The following PAM variants were observed in gnomAD, a reference collection of about 807,000 sequenced individuals.
PAM encodes the protein peptidylglycine alpha-amidating monooxygenase.
In PAM, 72 loss-of-function variants were observed where a neutral mutation model predicts 122.1. The ratio of observed to expected loss-of-function variants is 0.59; its 90% CI spans 0.49 to 0.72. The LOEUF (loss-of-function observed/expected upper bound fraction) is 0.72. Ranked by LOEUF, PAM falls within the 30% of genes least tolerant of loss-of-function variation. The pLI is 0.00. For synonymous variants in PAM, 389 were observed against 404.4 expected, an observed-to-expected ratio of 0.96 and a Z score of 0.46; for missense variants, 1,106 against 1,183.7, an observed-to-expected ratio of 0.93 and a Z score of 0.96.
intron 15 of PAM, among the ~76,000 whole-genome samples, chr5:102,983,313 G>A (rs1019605723): frequency 6.6e-6 from 1 of 151,670 alleles, no homozygotes; most frequent in African/African-American, 2.4e-5. Flanking sequence ...AGCCAGACGG[G>A]GTGGCGTGTG....
intron 3 of PAM, chr5:102,873,202 T>C (rs1172715979): frequency 6.6e-6 from 1 of 152,198 alleles, no homozygotes; most frequent in Non-Finnish European, 1.5e-5. Flanking sequence ...TTTGTATTCT[T>C]TTGAAATTAA....
intron 21 of PAM, among the ~76,000 whole-genome samples, chr5:103,015,093 C>G (rs1012115486): frequency 2.0e-5 from 3 of 152,166 alleles, no homozygotes; most frequent in Non-Finnish European, 4.4e-5. Context: ...AGTTAAATTA[C>G]TTGTTCAAGC....
At chr5:102,899,901 G>A (rs1797203869) in intron 3 of PAM, among the ~76,000 whole-genome samples, 2 of 151,554 alleles carry the variant, frequency 1.3e-5, no homozygotes. Context: ...TTGTTATTTG[G>A]GAGGAGAAGC....
chr5:102,983,177 G>A (rs1056161448), intron 15 of PAM, among the ~76,000 whole-genome samples: 1 of 152,074 alleles, frequency 6.6e-6, no homozygotes, highest in African/African-American at 2.4e-5. Context: ...CAGGCATGGT[G>A]GCTTATGCCT....
chr5:102,885,283 C>G (rs1428221431), intron 3 of PAM, among the ~76,000 whole-genome samples: 3 of 151,958 alleles, frequency 2.0e-5, no homozygotes, highest in South Asian at 2.1e-4. Context: ...TAAATTAAAT[C>G]TGTGAATGAT....
At chr5:102,984,607 G>A (rs560147694) in intron 15 of PAM, among the ~76,000 whole-genome samples, 1 of 152,236 alleles carries the variant, frequency 6.6e-6, no homozygotes, top group East Asian at 1.9e-4. Flanking sequence ...AATATTATTT[G>A]ACCTAAAGGG....
chr5:102,950,199 C>G (rs1014695156), intron 11 of PAM, among the ~76,000 whole-genome samples: 3 of 152,098 alleles, frequency 2.0e-5, no homozygotes, highest in Non-Finnish European at 4.4e-5. Flanking sequence ...CCTTTCACAT[C>G]CCATCATTTA....
At position 102,949,955 on chromosome 5, in the gene PAM, C is replaced by T. The variant is rs199746245; in HGVS notation, c.778C>T (p.Arg260Trp). The change falls in exon 11 of 26, where the codon CGG becomes TGG. Residue 260 changes from arginine to tryptophan, a missense_variant. Arg to Trp is a moderately radical substitution (Grantham distance 101, BLOSUM62 -3). Coordinates refer to ENST00000438793, the MANE Select transcript of PAM (RefSeq NM_001177306.2). Reference sequence around the variant, plus strand: ...AAATGGACAGTGGACACTGATTGGACGGCAGAGCCCTCAGCTGCCACAGGT... The same window carrying T: ...AAATGGACAGTGGACACTGATTGGATGGCAGAGCCCTCAGCTGCCACAGGT... ...VRNGQWTLIG[R>W]QSPQLPQAFY... 53 of 1,586,032 alleles carry T rather than the reference C, an allele frequency of 3.3e-5. No homozygotes were observed. Among genetic ancestry groups the T allele is most frequent in the East Asian group, 4.5e-5 (2 of 44,636 alleles).
chr5:102,874,517 C>A (rs769043693), intron 3 of PAM, among the ~76,000 whole-genome samples: 7 of 151,550 alleles, frequency 4.6e-5, no homozygotes, highest in Non-Finnish European at 8.8e-5. Flanking sequence ...TTCAGAACTG[C>A]AAGTATGAGT....
intron 1 of PAM, among the ~76,000 whole-genome samples, chr5:102,857,421 T>C (rs1329740267): frequency 2.0e-5 from 3 of 152,160 alleles, no homozygotes; most frequent in Non-Finnish European, 4.4e-5. Flanking sequence ...AGAGCTCAAA[T>C]ATGGGGGAGG....
At chr5:103,026,533 A>G (rs921580016) in intron 24 of PAM, among the ~76,000 whole-genome samples, 3 of 152,212 alleles carry the variant, frequency 2.0e-5, no homozygotes, top group African/African-American at 4.8e-5. Context: ...TATTAAGTCC[A>G]TGTTACAGAT....
rs527577622 is a variant in PAM, at chr5:102,912,738, C to G, written c.269-1196C>G. 1.9e-4 allele frequency among the ~76,000 whole-genome samples: 29 copies of G among 152,082 alleles called. No individual in the cohort carries two copies. In the South Asian group the frequency reaches 4.6e-3, roughly 24 times the overall value. Reference sequence around the variant, plus strand: ...TAGAAAACCAAGCCTCAAGTTATAGCAAGTCCATTTTCTGGCCATTCTCTC... The same window carrying G: ...TAGAAAACCAAGCCTCAAGTTATAGGAAGTCCATTTTCTGGCCATTCTCTC... On this transcript the variant is annotated intron_variant, in intron 4 of 25. Coordinates refer to ENST00000438793, the MANE Select transcript of PAM (RefSeq NM_001177306.2).
chr5:103,025,382 G>A (rs1343497385), intron 24 of PAM, 48 bp downstream of exon 24: 3 of 1,451,530 alleles, frequency 2.1e-6, no homozygotes, highest in Non-Finnish European at 2.9e-6. Context: ...TTGAAAGAGT[G>A]TTTGGCCTAA....
intron 1 of PAM, among the ~76,000 whole-genome samples, chr5:102,806,740 A>G (rs1766337238): frequency 6.6e-6 from 1 of 152,138 alleles, no homozygotes; most frequent in Non-Finnish European, 1.5e-5. Flanking sequence ...AATCTAGAAA[A>G]TCTGAATTAC....
chr5:102,894,761 T>C (rs1317077188), intron 3 of PAM, among the ~76,000 whole-genome samples: 3 of 151,688 alleles, frequency 2.0e-5, no homozygotes, highest in Admixed American at 6.6e-5. Flanking sequence ...ATATCACCAA[T>C]ACATTCAGTT....
intron 1 of PAM, among the ~76,000 whole-genome samples, chr5:102,846,943 A>G (rs1297422565): frequency 1.9e-4 from 29 of 152,154 alleles, no homozygotes; most frequent in Admixed American, 1.9e-3. Flanking sequence ...AGATTTTTGG[A>G]TGGACCCAGT....
chr5:102,954,137 G>T (rs879302491), intron 12 of PAM, among the ~76,000 whole-genome samples: 1 of 151,990 alleles, frequency 6.6e-6, no homozygotes, highest in Non-Finnish European at 1.5e-5. Flanking sequence ...AAATCACATT[G>T]TACCTTATAT....
intron 16 of PAM, among the ~76,000 whole-genome samples, chr5:102,992,985 AG>A: frequency 6.6e-6 from 1 of 152,234 alleles, no homozygotes; most frequent in East Asian, 1.9e-4. Context: ...TCATTGCATC[AG>A]CTGTCTTTAT....
intron 1 of PAM, among the ~76,000 whole-genome samples, chr5:102,812,840 A>C (rs1035432398): frequency 1.3e-5 from 2 of 152,118 alleles, no homozygotes; most frequent in African/African-American, 4.8e-5. Flanking sequence ...TACCTCCATA[A>C]ATAAAATATA....
Sources: allele counts gnomAD v4.1 joint callset (sites outside exome capture counted in the v4.1 genomes callset), GRCh38; gene constraint gnomAD v4.1.1; transcripts MANE v1.5; gene names NCBI Gene and HGNC (gene_info 2026-07-23, HGNC 2026-07-21).